TULP4: variants seen among roughly 807,000 people sequenced by gnomAD.
The protein encoded by TULP4 is tubby-related protein 4.
Under a neutral mutation model 129.0 loss-of-function variants are expected in TULP4, and 16 were observed. The observed-to-expected ratio is 0.12, with a 90% confidence interval of 0.08 to 0.19. TULP4 has a LOEUF of 0.19. Ranked by LOEUF, TULP4 falls within the 10% of genes least tolerant of loss-of-function variation. The pLI is 1.00. For missense variants in TULP4, 1,842 were observed against 2,059.1 expected, an observed-to-expected ratio of 0.89 and a Z score of 2.04; for synonymous variants, 998 against 854.0, an observed-to-expected ratio of 1.17 and a Z score of -2.94.
intron 8 of TULP4, among the ~76,000 whole-genome samples, chr6:158,486,100 A>ATC (rs1204089369): frequency 6.6e-6 from 1 of 152,202 alleles, no homozygotes; most frequent in Non-Finnish European, 1.5e-5. Flanking sequence ...AAGAACATGA[A>ATC]TCTGAGAGTG....
intron 4 of TULP4, 31 bp downstream of exon 4, chr6:158,449,207 G>T (rs2115132897): frequency 6.3e-7 from 1 of 1,587,840 alleles, no homozygotes; most frequent in East Asian, 2.2e-5. Flanking sequence ...CCTTGTCACT[G>T]ACCAGAAGGA....
intron 6 of TULP4, 53 bp from the exon 7 acceptor site, chr6:158,479,698 G>T: frequency 3.2e-6 from 5 of 1,547,260 alleles, no homozygotes; most frequent in Middle Eastern, 1.7e-4. Flanking sequence ...ATCCCTTTTT[G>T]CTTCCCACAA....
chr6:158,429,607 A>C (rs1778584284), intron 2 of TULP4, 129 bp from the exon 3 acceptor site: 1 of 1,018,926 alleles, frequency 9.8e-7, no homozygotes, highest in Non-Finnish European at 1.4e-6. Flanking sequence ...GCTTTCAAAT[A>C]ACATATGTTA....
At chr6:158,354,641 C>T (rs1265185791) in intron 1 of TULP4, among the ~76,000 whole-genome samples, 1 of 152,166 alleles carries the variant, frequency 6.6e-6, no homozygotes, top group East Asian at 1.9e-4. Flanking sequence ...GCCTGTAGTC[C>T]CAGCACTTTA....
chr6:158,239,033 C>T (rs1182685834), intron 1 of TULP4, among the ~76,000 whole-genome samples: 41 of 127,070 alleles, frequency 3.2e-4, no homozygotes, highest in South Asian at 8.0e-4. Context: ...ACCTCCCGGA[C>T]GAGGCGGCTG....
intron 1 of TULP4, among the ~76,000 whole-genome samples, chr6:158,408,333 G>T (rs1316866552): frequency 6.6e-6 from 1 of 152,120 alleles, no homozygotes; most frequent in Admixed American, 6.5e-5. Context: ...TGGGTAAGGG[G>T]TGCAAGTGGT....
At chr6:158,249,486 A>C (rs2128451340) in intron 1 of TULP4, among the ~76,000 whole-genome samples, 1 of 152,300 alleles carries the variant, frequency 6.6e-6, no homozygotes, top group South Asian at 2.1e-4. Flanking sequence ...TTTGCCTCTG[A>C]GGGACTTGGG....
intron 6 of TULP4, among the ~76,000 whole-genome samples, chr6:158,474,668 A>G (rs1439668063): frequency 6.6e-6 from 1 of 152,160 alleles, no homozygotes; most frequent in African/African-American, 2.4e-5. Flanking sequence ...TTCCTGTCAC[A>G]GATACTGAGA....
At chr6:158,309,376 G>A (rs750898721), upstream of TULP4, among the ~76,000 whole-genome samples, 2,190 of 147,290 alleles carry the variant, frequency 0.015, 24 homozygotes, top group South Asian at 0.034. Flanking sequence ...ATGGGATGGC[G>A]GCCGGGCAGA....
At chr6:158,385,017 A>C (rs933515377) in intron 1 of TULP4, among the ~76,000 whole-genome samples, 4 of 152,194 alleles carry the variant, frequency 2.6e-5, no homozygotes, top group African/African-American at 9.6e-5. Flanking sequence ...TTAAGTTAAG[A>C]GTTAGTCGAC....
chr6:158,239,631 G>GT (rs1777812976), intron 1 of TULP4, among the ~76,000 whole-genome samples: 5 of 66,814 alleles, frequency 7.5e-5, no homozygotes, highest in African/African-American at 1.5e-4. Flanking sequence ...GGCTGGCCGG[G>GT]TGGGGGGCTG....
At chr6:158,480,760 T>C (rs768933190) in intron 7 of TULP4, among the ~76,000 whole-genome samples, 2 of 152,178 alleles carry the variant, frequency 1.3e-5, no homozygotes, top group African/African-American at 2.4e-5. Context: ...CGGTGTATTA[T>C]ATAGCATTGG....
chr6:158,345,986 G>T (rs1419816909), intron 1 of TULP4, among the ~76,000 whole-genome samples: 2 of 152,256 alleles, frequency 1.3e-5, no homozygotes, highest in African/African-American at 4.8e-5. Flanking sequence ...GCTAGGAAAA[G>T]AATTTAGTGA....
intron 1 of TULP4, among the ~76,000 whole-genome samples, chr6:158,234,161 A>G (rs1276329760): frequency 6.6e-6 from 1 of 152,240 alleles, no homozygotes; most frequent in Non-Finnish European, 1.5e-5. Context: ...TGTATAAATC[A>G]TATTTATCTT....
chr6:158,322,506 A>G (rs745820355), intron 1 of TULP4, among the ~76,000 whole-genome samples: 2 of 152,236 alleles, frequency 1.3e-5, no homozygotes, highest in African/African-American at 4.8e-5. Flanking sequence ...AAAATGGTAT[A>G]TAAGTGATGA....
chr6:158,382,975 T>C (rs1379898474), intron 1 of TULP4, among the ~76,000 whole-genome samples: 1 of 152,220 alleles, frequency 6.6e-6, no homozygotes, highest in African/African-American at 2.4e-5. Flanking sequence ...GGCGAATTAG[T>C]GCTGTGCCAA....
At chr6:158,355,562 T>C (rs1031853109) in intron 1 of TULP4, among the ~76,000 whole-genome samples, 1 of 152,062 alleles carries the variant, frequency 6.6e-6, no homozygotes, top group Non-Finnish European at 1.5e-5. Flanking sequence ...AGGTTCTGAA[T>C]AGGAGGGGAG....
rs182185307 is a variant in TULP4 at position 158,297,934 on chromosome 6, T to G, written n.117-14117T>G. ...AGGAGACCAGGGCGTATCTCAGTCC[T>G]TATCTCAACCGCATAAGACAGACAT... On this transcript the variant is annotated intron_variant and non_coding_transcript_variant, in intron 1 of 1. Transcript: ENST00000432358. Among the ~76,000 whole-genome samples the G allele has an allele frequency of 3.3e-4, 50 of 152,294 alleles. No individual in the cohort carries two copies. The East Asian group carries it at 7.7e-3, about 23-fold the overall frequency.
chr6:158,439,250 G>A (rs962937925), intron 3 of TULP4, among the ~76,000 whole-genome samples: 2 of 152,104 alleles, frequency 1.3e-5, no homozygotes, highest in African/African-American at 4.8e-5. Flanking sequence ...TTCTTTGATA[G>A]AAAAAAGTCA....
Sources: allele counts gnomAD v4.1 joint callset (sites outside exome capture counted in the v4.1 genomes callset), GRCh38; gene constraint gnomAD v4.1.1; transcripts MANE v1.5; gene names NCBI Gene and HGNC (gene_info 2026-07-23, HGNC 2026-07-21).